The following LYAR variants were observed in gnomAD, a reference collection of about 807,000 sequenced individuals.
The protein encoded by LYAR is cell growth-regulating nucleolar protein.
In LYAR, 37 loss-of-function variants were observed where a neutral mutation model predicts 45.2. That is an observed-to-expected ratio of 0.82 (90% CI 0.63 to 1.08). The LOEUF (loss-of-function observed/expected upper bound fraction) is 1.08, where lower values mean the gene tolerates loss of function less well. Among genes scored for constraint, LYAR ranks in the 50% least tolerant of loss-of-function variants. The pLI is 0.00. For missense variants in LYAR, 493 were observed against 451.0 expected (o/e 1.09, Z -0.84); for synonymous variants, 176 against 155.1 (o/e 1.14, Z -1.00).
At chr4:4,274,129 C>T (rs1719070534) in intron 7 of LYAR, among the ~76,000 whole-genome samples, 1 of 152,032 alleles carries the variant, frequency 6.6e-6, no homozygotes, top group South Asian at 2.1e-4. Flanking sequence ...CTCAGCTACT[C>T]AGGAGGCTGA....
Position 4,283,746 on chromosome 4 carries a change from T to A in LYAR, c.-4A>T. On this transcript the variant is annotated 5_prime_UTR_variant, in exon 3 of 10. Coordinates refer to ENST00000343470, the MANE Select transcript of LYAR (RefSeq NM_017816.3). ...CATTGCATGTAAAAAATACCATTTT[T>A]AGGTAAATGGCTAAATATTCTCTAT... 6.2e-7 allele frequency: 1 copy of A among 1,607,828 alleles called. No individual in the cohort carries two copies. Among genetic ancestry groups the A allele is most frequent in the Admixed American group, 1.7e-5 (1 of 59,936 alleles).
At position 4,274,397 on chromosome 4, in the gene LYAR, C is replaced by T. The variant is rs180853467; in HGVS notation, c.802G>A (p.Ala268Thr). The T allele has an allele frequency of 4.7e-5, 76 of 1,613,206 alleles. No homozygotes were observed. Among genetic ancestry groups the T allele is most frequent in the Non-Finnish European group, 5.8e-5 (69 of 1,179,490 alleles). The change falls in exon 7 of 10, where the codon GCA (alanine) becomes ACA (threonine). Residue 268 changes from alanine to threonine, a missense_variant. By Grantham distance (58) the Ala-to-Thr change is moderately conservative. Coordinates refer to ENST00000343470, the MANE Select transcript of LYAR (RefSeq NM_017816.3). ...SASEEEARVG[A>T]GKRKRRHSEV... Reference sequence around the variant, plus strand: ...GAGTGCCTCCGCTTCCTCTTCCCTGCGCCCACGCGTGCCTCTTCCTCACTG... The same window carrying T: ...GAGTGCCTCCGCTTCCTCTTCCCTGTGCCCACGCGTGCCTCTTCCTCACTG...
chr4:4,269,137 G>C (rs1394099560), intron 8 of LYAR, among the ~76,000 whole-genome samples: 1 of 152,114 alleles, frequency 6.6e-6, no homozygotes, highest in Non-Finnish European at 1.5e-5. Flanking sequence ...ACTCTGAAAG[G>C]TAGAGACCAG....
intron 8 of LYAR, among the ~76,000 whole-genome samples, chr4:4,272,961 G>C (rs1226392925): frequency 6.6e-6 from 1 of 152,152 alleles, no homozygotes; most frequent in African/African-American, 2.4e-5. Flanking sequence ...GAGAAGCTTT[G>C]TGTAAGAGAC....
At chr4:4,281,683 C>T in intron 4 of LYAR, 100 bp downstream of exon 4, 1 of 848,586 alleles carries the variant, frequency 1.2e-6, no homozygotes, top group Non-Finnish European at 2.0e-6. Context: ...GTTTCCAGAG[C>T]TTGTCTGCAG....
intron 6 of LYAR, among the ~76,000 whole-genome samples, chr4:4,276,162 G>T (rs1487620379): frequency 6.6e-6 from 1 of 152,174 alleles, no homozygotes; most frequent in Non-Finnish European, 1.5e-5. Flanking sequence ...TGGAGGGAAA[G>T]AGAGTGGCCA....
chr4:4,288,481 T>C (rs1212132772), intron 1 of LYAR, among the ~76,000 whole-genome samples: 3 of 141,790 alleles, frequency 2.1e-5, no homozygotes, highest in Non-Finnish European at 3.0e-5. Context: ...TATTCAATTT[T>C]TTTTCTTTTT....
intron 4 of LYAR, among the ~76,000 whole-genome samples, chr4:4,280,506 T>C (rs1467016567): frequency 3.3e-5 from 5 of 152,190 alleles, no homozygotes; most frequent in Non-Finnish European, 7.3e-5. Flanking sequence ...GCAGATCTCA[T>C]ATTTTCTGAT....
At chr4:4,282,622 A>G (rs3756027) in intron 3 of LYAR, among the ~76,000 whole-genome samples, 33,544 of 152,186 alleles carry the variant, frequency 0.22, 4,645 homozygotes, top group Admixed American at 0.3. Flanking sequence ...ATGCAGCCAG[A>G]AGCCAGCTTC....
chr4:4,287,863 G>A (rs61231304), intron 1 of LYAR, among the ~76,000 whole-genome samples: 3 of 152,174 alleles, frequency 2.0e-5, no homozygotes, highest in Non-Finnish European at 4.4e-5. Context: ...TAAAACCTCT[G>A]TGCAGTGGGC....
intron 3 of LYAR, 63 bp downstream of exon 3, chr4:4,283,558 C>A: frequency 6.5e-7 from 1 of 1,538,302 alleles, no homozygotes; most frequent in South Asian, 1.2e-5. Context: ...AGCTTTGTGG[C>A]GCCAAGGCTT....
At chr4:4,281,101 T>A (rs568025837) in intron 4 of LYAR, among the ~76,000 whole-genome samples, 1 of 152,336 alleles carries the variant, frequency 6.6e-6, no homozygotes, top group South Asian at 2.1e-4. Context: ...TTATTTTGCC[T>A]AATTCTAATG....
chr4:4,289,659 C>T (rs1175743096), intron 1 of LYAR: 1 of 152,286 alleles, frequency 6.6e-6, no homozygotes, highest in Non-Finnish European at 1.5e-5. Context: ...AGTAGTTATT[C>T]TGATCCTAAG....
intron 6 of LYAR, among the ~76,000 whole-genome samples, chr4:4,276,229 C>T (rs1719174474): frequency 6.6e-6 from 1 of 152,262 alleles, no homozygotes; most frequent in East Asian, 1.9e-4. Flanking sequence ...GGCGGGGGTT[C>T]AAATTCCGTC....
intron 4 of LYAR, 32 bp downstream of exon 4, chr4:4,281,751 G>A (rs1489242252): frequency 8.0e-6 from 12 of 1,498,518 alleles, no homozygotes; most frequent in Admixed American, 1.7e-5. Flanking sequence ...AGCTGTCAGA[G>A]GAAGCTACTC....
chr4:4,276,851 C>T (rs1380655012), intron 6 of LYAR, among the ~76,000 whole-genome samples: 3 of 151,862 alleles, frequency 2.0e-5, no homozygotes, highest in African/African-American at 7.2e-5. Flanking sequence ...AGTGAGACTC[C>T]GTCTCAAAAG....
Position 4,273,577 on chromosome 4 carries a change from A to C in LYAR, c.919+6T>G. On this transcript the variant is annotated splice_donor_region_variant and intron_variant, in intron 8 of 9. Transcript: ENST00000343470. Reference sequence around the variant, plus strand: ...CCGTGCTCCTCAAATGACAGCAGTGATATACCTTTTGCAGGAGCCTCATCG... The same window carrying C: ...CCGTGCTCCTCAAATGACAGCAGTGCTATACCTTTTGCAGGAGCCTCATCG... The C allele has an allele frequency of 3.7e-6, 6 of 1,608,016 alleles. No homozygotes were observed. The highest frequency in any genetic ancestry group is 5.1e-6 in the Non-Finnish European group (6 of 1,174,852).
intron 1 of LYAR, among the ~76,000 whole-genome samples, chr4:4,287,282 T>C (rs1719655344): frequency 6.6e-6 from 1 of 152,200 alleles, no homozygotes. Flanking sequence ...CTTGGACTGG[T>C]TGAGAGCATA....
intron 8 of LYAR, among the ~76,000 whole-genome samples, chr4:4,271,331 T>A (rs1718922054): frequency 6.6e-6 from 1 of 152,236 alleles, no homozygotes; most frequent in Non-Finnish European, 1.5e-5. Context: ...TCCACGTTGC[T>A]GCAAACGACA....
Sources: gnomAD v4.1 joint callset for allele counts (sites outside exome capture counted in the v4.1 genomes callset) on GRCh38, gnomAD v4.1.1 for gene constraint, MANE v1.5 for transcripts, NCBI Gene and HGNC (gene_info 2026-07-23, HGNC 2026-07-21) for gene names.